The following DGKI variants were observed in gnomAD, a reference collection of about 807,000 sequenced individuals.
DGKI encodes DAG kinase iota.
DGKI carries 55 observed loss-of-function variants against 147.5 expected under a neutral mutation model. That is an observed-to-expected ratio of 0.37 (90% confidence interval 0.30 to 0.47). The LOEUF (loss-of-function observed/expected upper bound fraction) is 0.47. DGKI is among the 20% of genes least tolerant of loss of function. DGKI has a pLI of 1.00. For missense variants in DGKI, 1,007 were observed against 1,323.8 expected (o/e 0.76, Z 3.71); for synonymous variants, 469 against 477.1 (o/e 0.98, Z 0.22).
chr7:137,687,505 G>A (rs1259737656), intron 2 of DGKI, among the ~76,000 whole-genome samples: 3 of 152,166 alleles, frequency 2.0e-5, no homozygotes, highest in Non-Finnish European at 4.4e-5. Flanking sequence ...TCCCTGGCTG[G>A]CTCCTTGAAC....
intron 8 of DGKI, among the ~76,000 whole-genome samples, chr7:137,611,679 T>A (rs1258691417): frequency 6.6e-6 from 1 of 152,172 alleles, no homozygotes; most frequent in Non-Finnish European, 1.5e-5. Context: ...CATGAAGCAG[T>A]TAGCTGGGTA....
intron 6 of DGKI, among the ~76,000 whole-genome samples, chr7:137,630,368 A>T (rs534934365): frequency 6.8e-4 from 103 of 152,248 alleles, no homozygotes; most frequent in African/African-American, 2.4e-3. Context: ...AATCACCCCC[A>T]TCATCCTGAG....
chr7:137,607,290 G>A (rs1820214508), intron 10 of DGKI, among the ~76,000 whole-genome samples: 1 of 152,186 alleles, frequency 6.6e-6, no homozygotes, highest in Admixed American at 6.5e-5. Flanking sequence ...GTCACATGCA[G>A]TTAATGTTGC....
At chr7:137,813,649 C>G (rs2117009140) in intron 1 of DGKI, among the ~76,000 whole-genome samples, 1 of 152,338 alleles carries the variant, frequency 6.6e-6, no homozygotes, top group Admixed American at 6.5e-5. Flanking sequence ...ATCATATTCT[C>G]TAGTTCCAGA....
rs188650635 is a variant in DGKI at position 137,597,310 on chromosome 7, T to C, written c.1311+537A>G. On this transcript the variant is annotated intron_variant, in intron 12 of 32. Coordinates refer to ENST00000614521, the MANE Select transcript of DGKI (RefSeq NM_001321708.2). ...TACCTCCAAACCTTGACTTGATCATTATACATTCTATGCATATAACAAAAT... is the reference window on the plus strand; with the variant it reads ...TACCTCCAAACCTTGACTTGATCATCATACATTCTATGCATATAACAAAAT... Among the ~76,000 whole-genome samples, 6 of 152,114 alleles carry C rather than the reference T, an allele frequency of 3.9e-5. No homozygotes were observed. In the East Asian group the frequency reaches 1.2e-3, roughly 29 times the overall value.
chr7:137,660,081 G>T (rs1249897472), intron 3 of DGKI, among the ~76,000 whole-genome samples: 1 of 152,192 alleles, frequency 6.6e-6, no homozygotes, highest in African/African-American at 2.4e-5. Flanking sequence ...ACAATAATTT[G>T]CTCTCATCAA....
rs187148694 is a variant in DGKI, at chr7:137,494,938, C to T, written c.2249-7249G>A. Among the ~76,000 whole-genome samples, 123 of 151,982 alleles carry T rather than the reference C, an allele frequency of 8.1e-4. 2 individuals carry two copies. The highest frequency in any genetic ancestry group is 7.2e-3 in the Admixed American group (110 of 15,262). ...GTCTTCAAGAGACCCAGGTCACATG[C>T]GATGACACACAAAACATCTACCAAG... On this transcript the variant is annotated intron_variant, in intron 21 of 32. Transcript: ENST00000614521.
At chr7:137,550,460 G>A (rs1255174517) in intron 20 of DGKI, among the ~76,000 whole-genome samples, 1 of 152,150 alleles carries the variant, frequency 6.6e-6, no homozygotes, top group Non-Finnish European at 1.5e-5. Context: ...ACAGGTGTGA[G>A]CCACCGTACC....
At chr7:137,453,838 A>G (rs1814073898) in intron 27 of DGKI, among the ~76,000 whole-genome samples, 1 of 151,924 alleles carries the variant, frequency 6.6e-6, no homozygotes, top group Admixed American at 6.6e-5. Context: ...AATTCCCTTT[A>G]TTATCATAAT....
At chr7:137,797,077 C>T (rs1797056406) in intron 1 of DGKI, among the ~76,000 whole-genome samples, 1 of 152,040 alleles carries the variant, frequency 6.6e-6, no homozygotes. Context: ...AAATAATATG[C>T]CAGCAATCTT....
At chr7:137,649,567 T>C (rs980338498) in intron 5 of DGKI, among the ~76,000 whole-genome samples, 1 of 152,046 alleles carries the variant, frequency 6.6e-6, no homozygotes, top group Admixed American at 6.6e-5. Context: ...TCAGTATTGT[T>C]AGCAAAAATA....
At chr7:137,709,258 C>G (rs1235492339) in intron 1 of DGKI, among the ~76,000 whole-genome samples, 1 of 152,096 alleles carries the variant, frequency 6.6e-6, no homozygotes, top group East Asian at 1.9e-4. Flanking sequence ...ATTTCAGGGC[C>G]TCTTTCTCTT....
chr7:137,640,125 C>T (rs191348324), intron 6 of DGKI, among the ~76,000 whole-genome samples: 16 of 151,938 alleles, frequency 1.1e-4, no homozygotes, highest in African/African-American at 3.6e-4. Context: ...GATCTCTAGG[C>T]CTTACTCGGC....
rs10523881 is a variant in DGKI at position 137,399,002 on chromosome 7, ATT to A, written c.2921-1591_2921-1590del. ...TTCCTCAATTTGTTCCCAGGGTTCC[ATT>A]TTTTTTTTTTTCACAAAAGCTAAAG... On this transcript the variant is annotated intron_variant, in intron 30 of 32. Transcript: ENST00000614521. Among the ~76,000 whole-genome samples, 439 of 145,474 alleles carry A rather than the reference ATT, an allele frequency of 3.0e-3. 12 individuals carry two copies. In the South Asian group the frequency reaches 0.067, roughly 22 times the overall value.
chr7:137,411,725 G>C (rs1812169915), intron 29 of DGKI, among the ~76,000 whole-genome samples: 1 of 152,100 alleles, frequency 6.6e-6, no homozygotes, highest in South Asian at 2.1e-4. Flanking sequence ...AGGGGATCAG[G>C]GTTCTTGTTT....
chr7:137,776,301 G>T (rs567524833), intron 1 of DGKI, among the ~76,000 whole-genome samples: 1 of 152,280 alleles, frequency 6.6e-6, no homozygotes, highest in South Asian at 2.1e-4. Flanking sequence ...TCAAACAAAA[G>T]ATTATACCCA....
Position 137,480,154 on chromosome 7 carries a change from G to A in DGKI, c.2373+5220C>T, listed in dbSNP as rs184083368. Reference sequence around the variant, plus strand: ...GACAACTCCAGTACTGTCTTCACTCGTAAGAGACAACAGACCTGACCCTAG... The same window carrying A: ...GACAACTCCAGTACTGTCTTCACTCATAAGAGACAACAGACCTGACCCTAG... On this transcript the variant is annotated intron_variant, in intron 23 of 32. Transcript: ENST00000614521. Among the ~76,000 whole-genome samples the A allele has an allele frequency of 1.3e-4, 20 of 152,220 alleles. No homozygotes were observed. The East Asian group carries it at 1.9e-3, about 15-fold the overall frequency.
chr7:137,434,243 C>T (rs1813195820), intron 28 of DGKI, among the ~76,000 whole-genome samples: 1 of 152,068 alleles, frequency 6.6e-6, no homozygotes, highest in Non-Finnish European at 1.5e-5. Flanking sequence ...TTCTATAACC[C>T]CAAAAGCAAC....
At chr7:137,802,079 A>T (rs896651605) in intron 1 of DGKI, among the ~76,000 whole-genome samples, 2 of 152,218 alleles carry the variant, frequency 1.3e-5, no homozygotes, top group Non-Finnish European at 2.9e-5. Context: ...GGAATGAAAC[A>T]ATGGCATTTG....
Sources: gnomAD v4.1 joint callset for allele counts (sites outside exome capture counted in the v4.1 genomes callset) on GRCh38, gnomAD v4.1.1 for gene constraint, MANE v1.5 for transcripts, NCBI Gene and HGNC (gene_info 2026-07-23, HGNC 2026-07-21) for gene names.